The following ADAMTS3 variants were observed in gnomAD, a reference collection of about 807,000 sequenced individuals.
The protein encoded by ADAMTS3 is A disintegrin and metalloproteinase with thrombospondin motifs 3.
In ADAMTS3, 73 loss-of-function variants were observed where a neutral mutation model predicts 129.0. The ratio of observed to expected loss-of-function variants is 0.57; its 90% CI spans 0.47 to 0.69. The LOEUF (loss-of-function observed/expected upper bound fraction) is 0.69. Among genes scored for constraint, ADAMTS3 ranks in the 30% least tolerant of loss-of-function variants. ADAMTS3 has a pLI of 0.00. For synonymous variants in ADAMTS3, 477 were observed against 510.8 expected (o/e 0.93, Z 0.89); for missense variants, 1,457 against 1,514.5 (o/e 0.96, Z 0.63).
At chr4:72,504,060 C>T (rs574607201) in intron 3 of ADAMTS3, among the ~76,000 whole-genome samples, 4 of 152,216 alleles carry the variant, frequency 2.6e-5, no homozygotes, top group African/African-American at 9.6e-5. Context: ...AGTTGCCACT[C>T]TGCCATTTAA....
chr4:72,475,324 A>G (rs1322866730), intron 3 of ADAMTS3, among the ~76,000 whole-genome samples: 5 of 152,070 alleles, frequency 3.3e-5, no homozygotes, highest in Non-Finnish European at 7.4e-5. Flanking sequence ...TATATACATA[A>G]TGCACATATC....
chr4:72,416,321 T>C lies in ADAMTS3; in HGVS notation c.505-1350A>G, dbSNP rs115130586. On this transcript the variant is annotated intron_variant, in intron 3 of 21. Transcript: ENST00000286657. ...TCTACACCTGGGTATAGTATTTCCC[T>C]TCTTTCCCTTTGTAAGCCTCACAGG... 7.0e-3 allele frequency among the ~76,000 whole-genome samples: 1,060 copies of C among 152,088 alleles called. 7 individuals are homozygous for C. The highest frequency in any genetic ancestry group is 0.024 in the African/African-American group (1,003 of 41,514).
intron 3 of ADAMTS3, among the ~76,000 whole-genome samples, chr4:72,440,352 A>C (rs1055111891): frequency 3.3e-5 from 5 of 151,860 alleles, no homozygotes; most frequent in African/African-American, 4.8e-5. Context: ...CCACACATGA[A>C]TATCCCTGCC....
chr4:72,308,500 T>C (rs1293572668), intron 15 of ADAMTS3, among the ~76,000 whole-genome samples: 2 of 151,970 alleles, frequency 1.3e-5, no homozygotes, highest in East Asian at 1.9e-4. Flanking sequence ...TTTCATGATT[T>C]TATAAGATAC....
intron 5 of ADAMTS3, among the ~76,000 whole-genome samples, chr4:72,332,094 T>G (rs1719866673): frequency 6.6e-6 from 1 of 152,210 alleles, no homozygotes; most frequent in Non-Finnish European, 1.5e-5. Flanking sequence ...AGGATTGATG[T>G]GAATTCAAAT....
At chr4:72,415,753 C>A (rs139068879) in intron 3 of ADAMTS3, among the ~76,000 whole-genome samples, 9 of 152,080 alleles carry the variant, frequency 5.9e-5, no homozygotes, top group Admixed American at 5.2e-4. Context: ...AGTACTATAG[C>A]TGAAGAAAAA....
chr4:72,368,726 A>T (rs1720931143), intron 4 of ADAMTS3, among the ~76,000 whole-genome samples: 1 of 152,158 alleles, frequency 6.6e-6, no homozygotes, highest in African/African-American at 2.4e-5. Flanking sequence ...CTAGAAACAC[A>T]TGTTTTAATT....
At chr4:72,470,204 T>C (rs1216282303) in intron 3 of ADAMTS3, among the ~76,000 whole-genome samples, 1 of 151,996 alleles carries the variant, frequency 6.6e-6, no homozygotes, top group Non-Finnish European at 1.5e-5. Context: ...ATCGGGATTC[T>C]AGCCCTTTCA....
chr4:72,498,161 C>T (rs542014813), intron 3 of ADAMTS3, among the ~76,000 whole-genome samples: 2 of 152,136 alleles, frequency 1.3e-5, no homozygotes, highest in African/African-American at 2.4e-5. Context: ...AGAGCGAACA[C>T]TATATATTGA....
At chr4:72,458,511 A>C (rs1009470987) in intron 3 of ADAMTS3, among the ~76,000 whole-genome samples, 4 of 151,730 alleles carry the variant, frequency 2.6e-5, no homozygotes, top group Middle Eastern at 3.4e-3. Flanking sequence ...TGGTTAAATA[A>C]ATGCAGATGA....
rs764537402 is a variant in ADAMTS3, at chr4:72,320,861, G to A, written c.955C>T (p.Leu319Phe). 1.2e-6 allele frequency: 2 copies of A among 1,613,808 alleles called. No individual in the cohort carries two copies. Among genetic ancestry groups the A allele is most frequent in the South Asian group, 1.1e-5 (1 of 91,050 alleles). Residue 319 changes from leucine (L) to phenylalanine (F), a missense_variant, in exon 7 of 22, where the codon CTC (leucine) becomes TTC (phenylalanine). By Grantham distance (22) the Leu-to-Phe change is conservative. Coordinates refer to ENST00000286657, the MANE Select transcript of ADAMTS3 (RefSeq NM_014243.3). ...IMLGYAKSISLIERGNPSRSL... is the reference protein window; with the variant it reads ...IMLGYAKSISFIERGNPSRSL... ...CTGGATGGGTTTCCCCTTTCTATGA[G>A]GCTGATGGACTAAGTGAAAACAATA...
At chr4:72,480,430 T>C (rs1002528216) in intron 3 of ADAMTS3, among the ~76,000 whole-genome samples, 30 of 151,848 alleles carry the variant, frequency 2.0e-4, no homozygotes, top group African/African-American at 6.0e-4. Flanking sequence ...TCCTTCTCAG[T>C]AAACTATCGC....
chr4:72,418,089 G>A (rs899079241), intron 3 of ADAMTS3, among the ~76,000 whole-genome samples: 5 of 152,002 alleles, frequency 3.3e-5, no homozygotes, highest in Non-Finnish European at 7.3e-5. Flanking sequence ...GCTATGGAAA[G>A]TGCAGAAAAG....
At chr4:72,537,909 AT>A (rs1393923051) in intron 3 of ADAMTS3, among the ~76,000 whole-genome samples, 2 of 152,224 alleles carry the variant, frequency 1.3e-5, no homozygotes, top group Non-Finnish European at 2.9e-5. Context: ...AGAAAGAGAT[AT>A]AGGTAAAGAA....
chr4:72,439,388 A>C (rs1414701755), intron 3 of ADAMTS3, among the ~76,000 whole-genome samples: 2 of 151,696 alleles, frequency 1.3e-5, no homozygotes, highest in Non-Finnish European at 3.0e-5. Context: ...GCCAAGCCAC[A>C]TGTTTTCCCT....
intron 4 of ADAMTS3, among the ~76,000 whole-genome samples, chr4:72,350,458 T>C (rs1344216338): frequency 2.0e-5 from 3 of 152,090 alleles, no homozygotes; most frequent in Non-Finnish European, 4.4e-5. Flanking sequence ...TTGCATTTTC[T>C]GGCTTCTCTG....
intron 3 of ADAMTS3, among the ~76,000 whole-genome samples, chr4:72,441,221 ATATTGTTGCAT>A (rs1360757891): frequency 6.6e-6 from 1 of 151,758 alleles, no homozygotes; most frequent in Non-Finnish European, 1.5e-5. Flanking sequence ...AGATTCACCC[ATATTGTTGCAT>A]GAATCAGTAG....
intron 3 of ADAMTS3, among the ~76,000 whole-genome samples, chr4:72,536,430 G>T (rs187158404): frequency 6.6e-6 from 1 of 152,108 alleles, no homozygotes; most frequent in African/African-American, 2.4e-5. Flanking sequence ...TTACTGCAGC[G>T]TATTTTATTT....
At chr4:72,483,153 T>C (rs1719484727) in intron 3 of ADAMTS3, among the ~76,000 whole-genome samples, 2 of 151,472 alleles carry the variant, frequency 1.3e-5, no homozygotes, top group African/African-American at 2.4e-5. Context: ...TCCTAACCAA[T>C]GTAATGAGGC....
Sources: allele counts gnomAD v4.1 joint callset (sites outside exome capture counted in the v4.1 genomes callset), GRCh38; gene constraint gnomAD v4.1.1; transcripts MANE v1.5; gene names NCBI Gene and HGNC (gene_info 2026-07-23, HGNC 2026-07-21).